GNB1: variants seen among roughly 807,000 people sequenced by gnomAD.
The protein encoded by GNB1 is guanine nucleotide-binding protein G(I)/G(S)/G(T) subunit beta-1.
Under a neutral mutation model 42.9 loss-of-function variants are expected in GNB1, and 2 were observed. The observed-to-expected ratio is 0.05, with a 90% CI of 0.02 to 0.15. The LOEUF (loss-of-function observed/expected upper bound fraction) is 0.15, where lower values mean the gene tolerates loss of function less well. Among genes scored for constraint, GNB1 ranks in the 10% least tolerant of loss-of-function variants. The pLI is 1.00. For synonymous variants in GNB1, 183 were observed against 174.7 expected (o/e 1.05, Z -0.38); for missense variants, 193 against 462.2 (o/e 0.42, Z 5.34).
intron 7 of GNB1, among the ~76,000 whole-genome samples, chr1:1,795,856 C>T (rs1646539886): frequency 6.6e-6 from 1 of 152,174 alleles, no homozygotes; most frequent in Non-Finnish European, 1.5e-5. Flanking sequence ...CTTCTTACTC[C>T]AAGAACCAGA....
intron 1 of GNB1, among the ~76,000 whole-genome samples, chr1:1,846,611 G>C (rs1388423818): frequency 6.6e-6 from 1 of 152,120 alleles, no homozygotes; most frequent in Non-Finnish European, 1.5e-5. Flanking sequence ...TCACCCAAGT[G>C]GGTGACAGCC....
intron 1 of GNB1, among the ~76,000 whole-genome samples, chr1:1,870,377 T>C (rs755119700): frequency 6.6e-6 from 1 of 152,148 alleles, no homozygotes. Context: ...TCTCACTACA[T>C]TGTGCCCAGG....
chr1:1,889,353 T>C (rs1360649298), intron 1 of GNB1, among the ~76,000 whole-genome samples: 1 of 152,194 alleles, frequency 6.6e-6, no homozygotes, highest in African/African-American at 2.4e-5. Context: ...AATGAACCAA[T>C]GCTCCCCAAA....
At chr1:1,831,833 C>T (rs1377166472) in intron 2 of GNB1, among the ~76,000 whole-genome samples, 1 of 149,302 alleles carries the variant, frequency 6.7e-6, no homozygotes, top group African/African-American at 2.5e-5. Context: ...CTGAGGCTGG[C>T]AGATGGCTTG....
intron 2 of GNB1, among the ~76,000 whole-genome samples, chr1:1,828,127 C>T (rs984462343): frequency 6.6e-6 from 1 of 152,030 alleles, no homozygotes; most frequent in African/African-American, 2.4e-5. Flanking sequence ...TTGAGACCAG[C>T]GTGGTTAACA....
chr1:1,827,269 C>T (rs1647012322), intron 2 of GNB1, among the ~76,000 whole-genome samples: 1 of 152,206 alleles, frequency 6.6e-6, no homozygotes, highest in African/African-American at 2.4e-5. Flanking sequence ...ACCAGAAAGG[C>T]CTGCAAGGCA....
chr1:1,845,824 T>TACACACAC lies in GNB1; in HGVS notation c.-95-6594_-95-6587dup, dbSNP rs55953457. ...GTAGAATCATTTGTGTGTAAGTCCA[T>TACACACAC]ACACACACACACACACACACACACA... On this transcript the variant is annotated intron_variant, in intron 1 of 11. Transcript: ENST00000378609. 5.5e-3 allele frequency among the ~76,000 whole-genome samples: 776 copies of TACACACAC among 140,320 alleles called. 4 individuals are homozygous for TACACACAC. The highest frequency in any genetic ancestry group is 9.5e-3 in the African/African-American group (352 of 37,216). The allele number at this position is 140,320 out of a possible 152,430, so 92.1% of individuals were successfully genotyped here.
intron 9 of GNB1, among the ~76,000 whole-genome samples, chr1:1,789,796 G>A (rs534127621): frequency 6.6e-6 from 1 of 152,160 alleles, no homozygotes; most frequent in East Asian, 1.9e-4. Flanking sequence ...TGTGATCTTG[G>A]ACACTGTGAT....
intron 1 of GNB1, among the ~76,000 whole-genome samples, chr1:1,885,517 A>G (rs1306912837): frequency 1.3e-5 from 2 of 151,836 alleles, no homozygotes; most frequent in Admixed American, 6.6e-5. Context: ...TTCTAATTTA[A>G]GAAGACATAA....
intron 1 of GNB1, among the ~76,000 whole-genome samples, chr1:1,888,397 G>C (rs943197880): frequency 6.6e-5 from 10 of 151,358 alleles, no homozygotes; most frequent in Middle Eastern, 3.5e-3. Flanking sequence ...GGCGGGGGGA[G>C]CACTTTCAGT....
chr1:1,880,532 G>T (rs1649786251), intron 1 of GNB1, among the ~76,000 whole-genome samples: 1 of 151,958 alleles, frequency 6.6e-6, no homozygotes, highest in Admixed American at 6.6e-5. Context: ...CTGGCAGTGA[G>T]CCGAGATCGC....
chr1:1,809,773 T>C (rs533440110), intron 5 of GNB1, among the ~76,000 whole-genome samples: 2 of 152,216 alleles, frequency 1.3e-5, no homozygotes, highest in South Asian at 4.2e-4. Flanking sequence ...CAGGGAGCTG[T>C]TGGAAAGCTG....
At chr1:1,827,940 G>A (rs991565660) in intron 2 of GNB1, among the ~76,000 whole-genome samples, 7 of 152,092 alleles carry the variant, frequency 4.6e-5, no homozygotes, top group African/African-American at 1.7e-4. Context: ...ACACTAAAAA[G>A]TAAAGCTAAT....
chr1:1,853,857 C>T (rs1648118498), intron 1 of GNB1, among the ~76,000 whole-genome samples: 1 of 152,134 alleles, frequency 6.6e-6, no homozygotes, highest in Non-Finnish European at 1.5e-5. Flanking sequence ...CAAATATTTA[C>T]TTGGGAGTCT....
At chr1:1,833,804 T>C (rs1647108293) in intron 2 of GNB1, among the ~76,000 whole-genome samples, 1 of 152,224 alleles carries the variant, frequency 6.6e-6, no homozygotes. Context: ...TTTGAGGTGC[T>C]ATTTTTTGCA....
chr1:1,849,655 T>G (rs1647873309), intron 1 of GNB1, among the ~76,000 whole-genome samples: 1 of 152,026 alleles, frequency 6.6e-6, no homozygotes, highest in Admixed American at 6.6e-5. Context: ...TGCCACTCAG[T>G]CTCCCAAAGT....
intron 1 of GNB1, among the ~76,000 whole-genome samples, chr1:1,884,871 G>A (rs920748031): frequency 3.3e-5 from 5 of 151,336 alleles, no homozygotes; most frequent in African/African-American, 1.2e-4. Context: ...TTTTAGCAGA[G>A]ACAGGGTTTC....
chr1:1,831,727 G>A (rs1020242348), intron 2 of GNB1, among the ~76,000 whole-genome samples: 8 of 151,454 alleles, frequency 5.3e-5, no homozygotes, highest in Non-Finnish European at 8.8e-5. Flanking sequence ...GGGATTACAC[G>A]CACCCGGTCA....
At chr1:1,788,016 G>A (rs1336260670) in intron 10 of GNB1, 3 of 146,546 alleles carry the variant, frequency 2.0e-5, no homozygotes, top group African/African-American at 5.1e-5. Context: ...GCGACAGAGC[G>A]AGACTCCATC....
Sources: gnomAD v4.1 joint callset for allele counts (sites outside exome capture counted in the v4.1 genomes callset) on GRCh38, gnomAD v4.1.1 for gene constraint, MANE v1.5 for transcripts, NCBI Gene and HGNC (gene_info 2026-07-23, HGNC 2026-07-21) for gene names.